VWA8: variants seen among roughly 807,000 people sequenced by gnomAD.
The protein encoded by VWA8 is von Willebrand factor A domain-containing protein 8.
A neutral mutation model predicts 241.5 loss-of-function variants in VWA8; 221 were observed. The ratio of observed to expected loss-of-function variants is 0.91; its 90% CI spans 0.82 to 1.02. VWA8 has a LOEUF of 1.02. Ranked by LOEUF, VWA8 falls within the 50% of genes least tolerant of loss-of-function variation. The pLI, the probability that VWA8 is intolerant of heterozygous loss-of-function variation, is 0.00. For missense variants in VWA8, 2,322 were observed against 2,328.7 expected, an observed-to-expected ratio of 1.00 and a Z score of 0.06; for synonymous variants, 852 against 827.1, an observed-to-expected ratio of 1.03 and a Z score of -0.52.
At chr13:41,655,785 A>G (rs2044900728) in intron 37 of VWA8, among the ~76,000 whole-genome samples, 1 of 152,254 alleles carries the variant, frequency 6.6e-6, no homozygotes, top group East Asian at 1.9e-4. Context: ...TAGAGAAGCC[A>G]TATTATATAA....
chr13:41,689,028 TA>T (rs1335224952), intron 34 of VWA8, among the ~76,000 whole-genome samples: 1 of 151,496 alleles, frequency 6.6e-6, no homozygotes, highest in Non-Finnish European at 1.5e-5. Context: ...TAATTAACTT[TA>T]AAAAATTATA....
At position 41,819,073 on chromosome 13, in the gene VWA8, T is replaced by C. The variant is rs17062572; in HGVS notation, c.1869+145A>G. 3,626 of 748,536 alleles carry C rather than the reference T, an allele frequency of 4.8e-3. 104 individuals are homozygous for C. In the African/African-American group the frequency reaches 0.06, roughly 12 times the overall value. 46.4% of individuals were successfully genotyped at this position (748,536 alleles called of 1,614,324 possible). ...AAAAATGTGAAAGTTTAAGATCCAC[T>C]GACCTTCACCACTGTATGAAGAAAT... On this transcript the variant is annotated intron_variant, in intron 15 of 44. Coordinates refer to ENST00000379310, the MANE Select transcript of VWA8 (RefSeq NM_015058.2).
chr13:41,903,532 G>A (rs559016006), intron 4 of VWA8, among the ~76,000 whole-genome samples: 1 of 152,218 alleles, frequency 6.6e-6, no homozygotes, highest in East Asian at 1.9e-4. Context: ...TGGAAAGGGG[G>A]TAGGCATGGC....
At chr13:41,730,753 T>C (rs777065253) in intron 22 of VWA8, among the ~76,000 whole-genome samples, 47 of 151,994 alleles carry the variant, frequency 3.1e-4, no homozygotes, top group Non-Finnish European at 5.0e-4. Flanking sequence ...TAGTAAGAAA[T>C]ATAATGTAAA....
At chr13:41,734,128 A>C (rs1054256713) in intron 21 of VWA8, among the ~76,000 whole-genome samples, 6 of 152,196 alleles carry the variant, frequency 3.9e-5, no homozygotes, top group Non-Finnish European at 7.3e-5. Flanking sequence ...TCACGAGGTC[A>C]GAAGTTCGAG....
intron 2 of VWA8, among the ~76,000 whole-genome samples, chr13:41,944,495 G>A (rs1208286826): frequency 2.0e-5 from 3 of 152,204 alleles, no homozygotes; most frequent in Middle Eastern, 3.4e-3. Flanking sequence ...TACAGAAACA[G>A]GGTTTTAGTG....
At position 41,705,038 on chromosome 13, in the gene VWA8, T is replaced by A. The variant is rs1005230177; in HGVS notation, c.3117-1627A>T. ...ATGTAAGGCTAAGATATTTTTTGCA[T>A]AAAATAATGGAAGCAAACATTCTAG... On this transcript the variant is annotated intron_variant, in intron 26 of 44. Transcript: ENST00000379310. Among the ~76,000 whole-genome samples, 5 of 152,328 alleles carry A rather than the reference T, an allele frequency of 3.3e-5. No homozygotes were observed. In the East Asian group the frequency reaches 9.6e-4, roughly 29 times the overall value.
intron 2 of VWA8, among the ~76,000 whole-genome samples, chr13:41,930,510 C>A (rs776292165): frequency 6.6e-6 from 1 of 152,170 alleles, no homozygotes; most frequent in African/African-American, 2.4e-5. Flanking sequence ...ACAGGTTGAG[C>A]AGCTCTAATC....
At position 41,701,443 on chromosome 13, in the gene VWA8, T is replaced by G; in HGVS notation, c.3313A>C (p.Arg1105=). 1.2e-6 allele frequency: 2 copies of G among 1,612,018 alleles called. No individual in the cohort carries two copies. Among genetic ancestry groups the G allele is most frequent in the Non-Finnish European group, 1.7e-6 (2 of 1,179,156 alleles). ...LNFTEECASW[R]IPLDEINIIC... ...ATATTAATTTCATCCAATGGTATTCTCCATGAGGCACATTCTTCAGTAAAG... is the reference window on the plus strand; with the variant it reads ...ATATTAATTTCATCCAATGGTATTCGCCATGAGGCACATTCTTCAGTAAAG... The change falls in exon 28 of 45, where the codon AGA becomes CGA. Residue 1105 remains arginine, a synonymous_variant. Transcript: ENST00000379310.
chr13:41,699,096 C>G lies in VWA8; in HGVS notation c.3539G>C (p.Gly1180Ala). 6.2e-7 allele frequency: 1 copy of G among 1,613,944 alleles called. No individual in the cohort carries two copies. The highest frequency in any genetic ancestry group is 8.5e-7 in the Non-Finnish European group (1 of 1,179,876). ...TVAPLGSPLK[G>A]QVVLHEQQSN... is the part of the protein sequence containing the mutation. ...CTGCTGCTCATGGAGAACCACTTGACCTTTGAGAGGACTTCCCAGCGGTGC... is the reference window on the plus strand; with the variant it reads ...CTGCTGCTCATGGAGAACCACTTGAGCTTTGAGAGGACTTCCCAGCGGTGC... The change falls in exon 29 of 45, where the codon GGT (glycine) becomes GCT (alanine). Residue 1180 changes from glycine (G) to alanine (A), a missense_variant. By Grantham distance (60) the Gly-to-Ala change is moderately conservative (BLOSUM62 0). Coordinates refer to ENST00000379310, the MANE Select transcript of VWA8 (RefSeq NM_015058.2).
At chr13:41,750,432 A>AAACAAC (rs148479463) in intron 21 of VWA8, among the ~76,000 whole-genome samples, 24 of 144,404 alleles carry the variant, frequency 1.7e-4, no homozygotes, top group African/African-American at 2.6e-4. Flanking sequence ...ACTCCATCTA[A>AAACAAC]AACAACAACA....
intron 27 of VWA8, among the ~76,000 whole-genome samples, chr13:41,702,115 G>A (rs1419337665): frequency 1.3e-5 from 2 of 152,140 alleles, no homozygotes; most frequent in Non-Finnish European, 2.9e-5. Context: ...ATAAGCAGAG[G>A]AGCTAATTTA....
chr13:41,731,994 C>A (rs1240754214), intron 22 of VWA8, 86 bp downstream of exon 22: 8 of 1,137,558 alleles, frequency 7.0e-6, no homozygotes, highest in Admixed American at 1.8e-5. Flanking sequence ...AATACGTAAT[C>A]CATGAGAGTT....
chr13:41,746,431 G>T (rs1306363461), intron 21 of VWA8, among the ~76,000 whole-genome samples: 2 of 152,092 alleles, frequency 1.3e-5, no homozygotes, highest in African/African-American at 2.4e-5. Flanking sequence ...CCAGTTTCAG[G>T]AGTCTGTAGC....
chr13:41,742,950 T>C (rs1322352129), intron 21 of VWA8, among the ~76,000 whole-genome samples: 1 of 152,184 alleles, frequency 6.6e-6, no homozygotes, highest in Non-Finnish European at 1.5e-5. Flanking sequence ...GGATCTAAGA[T>C]ATTTTCTTAG....
intron 17 of VWA8, among the ~76,000 whole-genome samples, chr13:41,802,729 C>T (rs1347960469): frequency 2.0e-5 from 3 of 152,230 alleles, no homozygotes; most frequent in African/African-American, 7.2e-5. Flanking sequence ...CATTTTGACA[C>T]CCACCCTGGG....
At chr13:41,830,358 G>C (rs974357004) in intron 14 of VWA8, among the ~76,000 whole-genome samples, 171 bp downstream of exon 14, 30 of 151,094 alleles carry the variant, frequency 2.0e-4, no homozygotes, top group Non-Finnish European at 1.5e-5. Context: ...TTACACCTTG[G>C]AGAGCAACCT....
intron 2 of VWA8, among the ~76,000 whole-genome samples, chr13:41,945,963 A>T: frequency 6.6e-6 from 1 of 152,198 alleles, no homozygotes; most frequent in Non-Finnish European, 1.5e-5. Context: ...ATCTGCACTT[A>T]GACACATCCA....
intron 21 of VWA8, among the ~76,000 whole-genome samples, chr13:41,744,313 A>G (rs561491626): frequency 6.6e-6 from 1 of 152,324 alleles, no homozygotes; most frequent in Admixed American, 6.5e-5. Flanking sequence ...CCAACCTAAG[A>G]TATCTGTTGA....
Sources: gnomAD v4.1 joint callset for allele counts (sites outside exome capture counted in the v4.1 genomes callset) on GRCh38, gnomAD v4.1.1 for gene constraint, MANE v1.5 for transcripts, NCBI Gene and HGNC (gene_info 2026-07-23, HGNC 2026-07-21) for gene names.